Variants in LRRTM4 observed in about 807,000 individuals in gnomAD.
The protein encoded by LRRTM4 is leucine rich repeat transmembrane neuronal 4, also known as leucine-rich repeat transmembrane neuronal protein 4.
Under a neutral mutation model 47.6 loss-of-function variants are expected in LRRTM4, and 25 were observed. That is an observed-to-expected ratio of 0.53 (90% confidence interval 0.38 to 0.73). The LOEUF is 0.73. Ranked by LOEUF, LRRTM4 falls within the 30% of genes least tolerant of loss-of-function variation. LRRTM4 has a pLI of 0.00. For missense variants in LRRTM4, 638 were observed against 713.4 expected (o/e 0.89, Z 1.20); for synonymous variants, 311 against 269.5 (o/e 1.15, Z -1.51).
At chr2:77,465,596 A>T (rs778373066) in intron 3 of LRRTM4, among the ~76,000 whole-genome samples, 4 of 152,062 alleles carry the variant, frequency 2.6e-5, no homozygotes, top group African/African-American at 7.2e-5. Context: ...TGGTGTGGGG[A>T]AGGGTGGGGG....
intron 3 of LRRTM4, among the ~76,000 whole-genome samples, chr2:77,004,600 G>A (rs762910085): frequency 5.9e-5 from 9 of 152,112 alleles, no homozygotes; most frequent in South Asian, 2.1e-4. Flanking sequence ...ATGTAGGGTC[G>A]GAGCCCCCAC....
intron 3 of LRRTM4, among the ~76,000 whole-genome samples, chr2:76,999,905 G>A (rs1338250276): frequency 1.3e-5 from 2 of 152,080 alleles, no homozygotes; most frequent in Non-Finnish European, 2.9e-5. Flanking sequence ...TTAAAACTAA[G>A]TTGCTACAGT....
At chr2:77,091,514 G>C (rs1321268592) in intron 3 of LRRTM4, among the ~76,000 whole-genome samples, 1 of 150,796 alleles carries the variant, frequency 6.6e-6, no homozygotes, top group Non-Finnish European at 1.5e-5. Context: ...CAGGATCTGC[G>C]CCTTATCAAC....
Position 76,748,774 on chromosome 2 carries a change from A to G in LRRTM4, c.1694T>C (p.Leu565Pro), listed in dbSNP as rs538522228. Residue 565 changes from leucine to proline, a missense_variant, in exon 4 of 4, where the codon CTG becomes CCG. Physicochemically the swap from Leu to Pro is moderately conservative, Grantham distance 98 (BLOSUM62 -3). Transcript: ENST00000409884. Reference protein sequence around the residue: ...PEQDESPGLELGRDHSFIATI... With the variant: ...PEQDESPGLEPGRDHSFIATI... Reference sequence around the variant, plus strand: ...GGCGATGAAGCTGTGGTCTCGGCCCAGCTCCAGGCCGGGGCTTTCGTCCTG... The same window carrying G: ...GGCGATGAAGCTGTGGTCTCGGCCCGGCTCCAGGCCGGGGCTTTCGTCCTG... 1.2e-6 allele frequency: 2 copies of G among 1,613,774 alleles called. No individual in the cohort carries two copies. Among genetic ancestry groups the G allele is most frequent in the Admixed American group, 3.3e-5 (2 of 59,996 alleles).
chr2:77,149,854 T>C (rs941830053), intron 3 of LRRTM4, among the ~76,000 whole-genome samples: 1 of 152,094 alleles, frequency 6.6e-6, no homozygotes, highest in Non-Finnish European at 1.5e-5. Flanking sequence ...TCTGCCTCAC[T>C]CTCCCTCCTG....
At chr2:76,810,148 C>T (rs1670690525) in intron 3 of LRRTM4, among the ~76,000 whole-genome samples, 1 of 152,196 alleles carries the variant, frequency 6.6e-6, no homozygotes, top group African/African-American at 2.4e-5. Context: ...ATATTCCCAA[C>T]ATCTTGAAAA....
At chr2:77,138,851 G>T (rs1185141131) in intron 3 of LRRTM4, among the ~76,000 whole-genome samples, 2 of 152,136 alleles carry the variant, frequency 1.3e-5, no homozygotes, top group African/African-American at 4.8e-5. Context: ...ACACCTTTAT[G>T]CAAATAAACT....
intron 3 of LRRTM4, among the ~76,000 whole-genome samples, chr2:77,092,498 G>A (rs1357567258): frequency 1.4e-5 from 2 of 143,242 alleles, no homozygotes; most frequent in Non-Finnish European, 3.0e-5. Flanking sequence ...TAACTTCTCA[G>A]TGTTCCATCT....
intron 3 of LRRTM4, among the ~76,000 whole-genome samples, chr2:77,106,884 C>T (rs1392262191): frequency 6.6e-6 from 1 of 151,368 alleles, no homozygotes; most frequent in Non-Finnish European, 1.5e-5. Context: ...TGATGTTGGT[C>T]AAGGAAAGAA....
chr2:76,856,276 C>T (rs1397237038), intron 3 of LRRTM4, among the ~76,000 whole-genome samples: 4 of 151,084 alleles, frequency 2.6e-5, no homozygotes, highest in Admixed American at 2.0e-4. Context: ...GACTTCGTCT[C>T]AGAAAAAGAG....
intron 3 of LRRTM4, among the ~76,000 whole-genome samples, chr2:77,150,391 T>C (rs1672382871): frequency 6.6e-6 from 1 of 152,174 alleles, no homozygotes; most frequent in Admixed American, 6.5e-5. Context: ...AAAATGAAGA[T>C]TCCATAATCC....
At chr2:77,407,121 C>A (rs562431059) in intron 3 of LRRTM4, among the ~76,000 whole-genome samples, 3 of 152,176 alleles carry the variant, frequency 2.0e-5, no homozygotes, top group African/African-American at 7.2e-5. Flanking sequence ...TTCAAGGAAA[C>A]CTTACAAAGA....
chr2:77,218,238 C>T (rs539501973), intron 3 of LRRTM4, among the ~76,000 whole-genome samples: 1 of 152,304 alleles, frequency 6.6e-6, no homozygotes, highest in South Asian at 2.1e-4. Flanking sequence ...AGGCGATCTG[C>T]CCACCTCTGC....
intron 3 of LRRTM4, among the ~76,000 whole-genome samples, chr2:77,233,833 C>G (rs1229015475): frequency 6.6e-6 from 1 of 152,136 alleles, no homozygotes; most frequent in Non-Finnish European, 1.5e-5. Context: ...GTCACCCAGG[C>G]TGGAGTGCAA....
chr2:76,937,745 T>G (rs974831679), intron 3 of LRRTM4, among the ~76,000 whole-genome samples: 1 of 152,058 alleles, frequency 6.6e-6, no homozygotes, highest in African/African-American at 2.4e-5. Context: ...TTTTTCGTAT[T>G]TTAGTACAGA....
At chr2:77,123,490 G>A (rs1375329471) in intron 3 of LRRTM4, among the ~76,000 whole-genome samples, 1 of 152,006 alleles carries the variant, frequency 6.6e-6, no homozygotes, top group Non-Finnish European at 1.5e-5. Flanking sequence ...GTGGGACTAT[G>A]CCTTTGCAAA....
At chr2:77,019,970 A>T (rs1213129150) in intron 3 of LRRTM4, among the ~76,000 whole-genome samples, 2 of 152,106 alleles carry the variant, frequency 1.3e-5, no homozygotes, top group South Asian at 2.1e-4. Context: ...GCTGAAAAAA[A>T]TGGTGACCTG....
chr2:76,850,195 A>C (rs946393565), intron 3 of LRRTM4, among the ~76,000 whole-genome samples: 1 of 152,088 alleles, frequency 6.6e-6, no homozygotes, highest in Non-Finnish European at 1.5e-5. Flanking sequence ...TCTGCTGTCC[A>C]TACGGTTTCT....
intron 3 of LRRTM4, among the ~76,000 whole-genome samples, chr2:76,976,225 G>C (rs1676413640): frequency 1.3e-5 from 2 of 151,546 alleles, no homozygotes; most frequent in African/African-American, 4.8e-5. Flanking sequence ...ACCATTCAAA[G>C]AGCCTTCAGT....
Sources: allele counts gnomAD v4.1 joint callset (sites outside exome capture counted in the v4.1 genomes callset), GRCh38; gene constraint gnomAD v4.1.1; transcripts MANE v1.5; gene names NCBI Gene and HGNC (gene_info 2026-07-23, HGNC 2026-07-21).